RASA3: variants seen among roughly 807,000 people sequenced by gnomAD.
The protein encoded by RASA3 is RAS p21 protein activator 3.
Under a neutral mutation model 110.0 loss-of-function variants are expected in RASA3, and 73 were observed. That is an observed-to-expected ratio of 0.66 (90% CI 0.55 to 0.81). RASA3 has a LOEUF of 0.81. RASA3 is among the 30% of genes least tolerant of loss of function. RASA3 has a pLI of 0.00. For synonymous variants in RASA3, 500 were observed against 451.4 expected (o/e 1.11, Z -1.37); for missense variants, 976 against 1,113.2 (o/e 0.88, Z 1.75).
chr13:113,984,760 C>CA, intron 22 of RASA3, among the ~76,000 whole-genome samples: 1 of 61,350 alleles, frequency 1.6e-5, no homozygotes. Flanking sequence ...ACCCATTACT[C>CA]ACCCATCCAT....
In RASA3 at chr13:114,065,764, G is replaced by C. The variant is rs9525368; in HGVS notation, c.173+7956C>G. On this transcript the variant is annotated intron_variant, in intron 2 of 23. Transcript: ENST00000334062. This position sits in a 1 kb window ranked among gnomAD's most constrained non-coding sequence, Gnocchi z 4.1. ...GCTGGAGGGCAGGGGTCCGTGGTCAGCTCACAGCCCACTCACCACCCAGCA... is the reference window on the plus strand; with the variant it reads ...GCTGGAGGGCAGGGGTCCGTGGTCACCTCACAGCCCACTCACCACCCAGCA... 6.6e-6 allele frequency among the ~76,000 whole-genome samples: 1 copy of C among 152,196 alleles called. No homozygotes were observed. Among genetic ancestry groups the C allele is most frequent in the Non-Finnish European group, 1.5e-5 (1 of 68,030 alleles).
chr13:114,018,205 C>T lies in RASA3; in HGVS notation c.990G>A (p.Glu330=), dbSNP rs1192927133. Residue 330 remains glutamate (E), a synonymous_variant, in exon 11 of 24, where the codon GAG becomes GAA. Coordinates refer to ENST00000334062, the MANE Select transcript of RASA3 (RefSeq NM_007368.4). ...AAHILGEVCR[E]KQEAAVPLVR... is the part of the protein sequence containing the mutation. ...CCAGCGGGACGGCCGCCTCCTGCTT[C>T]TCCCGGCAAACCTCGCCCAGGATGT... 4 of 1,553,484 alleles carry T rather than the reference C, an allele frequency of 2.6e-6. 1 individual carries two copies. In the South Asian group the frequency reaches 3.6e-5, roughly 14 times the overall value.
intron 9 of RASA3, among the ~76,000 whole-genome samples, chr13:114,020,490 T>C (rs2053903100): frequency 6.6e-6 from 1 of 152,104 alleles, no homozygotes; most frequent in South Asian, 2.1e-4. Flanking sequence ...GACACGCGTG[T>C]TTCACGGTTT....
At chr13:114,105,651 CT>C (rs891203504) in intron 1 of RASA3, among the ~76,000 whole-genome samples, 72 of 152,342 alleles carry the variant, frequency 4.7e-4, no homozygotes, top group Admixed American at 1.5e-3. Context: ...CAGCCTGAGG[CT>C]GGACGGGAGG....
At chr13:114,095,838 C>G (rs2079935031) in intron 1 of RASA3, among the ~76,000 whole-genome samples, 1 of 152,184 alleles carries the variant, frequency 6.6e-6, no homozygotes, top group Non-Finnish European at 1.5e-5. Context: ...CTCCACAATT[C>G]TGTGATTTGA....
At chr13:114,119,558 C>CCT (rs1365509919) in intron 1 of RASA3, among the ~76,000 whole-genome samples, 4 of 127,828 alleles carry the variant, frequency 3.1e-5, no homozygotes, top group South Asian at 6.2e-4. Context: ...CAGGGCCCCT[C>CCT]CCTCTCTCCA....
At chr13:114,117,692 GT>G in intron 1 of RASA3, among the ~76,000 whole-genome samples, 2 of 137,586 alleles carry the variant, frequency 1.5e-5, no homozygotes, top group Non-Finnish European at 3.1e-5. Context: ...AGGGGTGCAT[GT>G]GTGTGAGGGG....
Position 114,014,634 on chromosome 13 carries a change from C to T in RASA3, c.1405+575G>A, listed in dbSNP as rs1053268219. Among the ~76,000 whole-genome samples the T allele has an allele frequency of 6.6e-6, 1 of 152,070 alleles. No homozygotes were observed. Among genetic ancestry groups the T allele is most frequent in the Non-Finnish European group, 1.5e-5 (1 of 68,000 alleles). ...AGGCACCCAGCTCCTCCCTGAGGGTCGGCAAGGTTGAGAAGTGGGGTTTGG... is the reference window on the plus strand; with the variant it reads ...AGGCACCCAGCTCCTCCCTGAGGGTTGGCAAGGTTGAGAAGTGGGGTTTGG... On this transcript the variant is annotated intron_variant, in intron 14 of 23. Coordinates refer to ENST00000334062, the MANE Select transcript of RASA3 (RefSeq NM_007368.4). The surrounding 1 kb of genome is among the most constrained non-coding windows in gnomAD (Gnocchi z 4.5).
At position 114,112,090 on chromosome 13, in the gene RASA3, C is replaced by A. The variant is rs2080227000; in HGVS notation, c.55+20345G>T. On this transcript the variant is annotated intron_variant, in intron 1 of 23. Coordinates refer to ENST00000334062, the MANE Select transcript of RASA3 (RefSeq NM_007368.4). This position sits in a 1 kb window ranked among gnomAD's most constrained non-coding sequence, Gnocchi z 4.8. ...CCCTCCCTCTCCCTGGAAACAGCAGCCCCCAGGCACCCCCCCCAGCAACTG... is the reference window on the plus strand; with the variant it reads ...CCCTCCCTCTCCCTGGAAACAGCAGACCCCAGGCACCCCCCCCAGCAACTG... 1.1e-5 allele frequency among the ~76,000 whole-genome samples: 1 copy of A among 88,912 alleles called. No individual in the cohort carries two copies. The highest frequency in any genetic ancestry group is 2.2e-5 in the Non-Finnish European group (1 of 44,964). 58.3% of individuals were successfully genotyped at this position (88,912 alleles called of 152,430 possible).
intron 18 of RASA3, among the ~76,000 whole-genome samples, chr13:114,001,941 G>C (rs1233345909): frequency 6.6e-6 from 1 of 152,286 alleles, no homozygotes; most frequent in Non-Finnish European, 1.5e-5. Context: ...GGGAGCAGGA[G>C]ACAGGATGGC....
intron 1 of RASA3, among the ~76,000 whole-genome samples, chr13:114,123,748 C>T (rs2080409883): frequency 1.3e-5 from 2 of 152,206 alleles, no homozygotes; most frequent in South Asian, 4.1e-4. Context: ...CGGGGTGGGC[C>T]ATGCGGGGCT....
Position 114,112,548 on chromosome 13 carries a change from C to T in RASA3, c.55+19887G>A, listed in dbSNP as rs1010346829. 3.3e-5 allele frequency among the ~76,000 whole-genome samples: 5 copies of T among 152,176 alleles called. No homozygotes were observed. Among genetic ancestry groups the T allele is most frequent in the Non-Finnish European group, 7.3e-5 (5 of 68,030 alleles). ...CCAGCTCTGTAGGGGTGCGGCCTGC[C>T]TCGAGCACTTCACACGCGTGCCCGG... On this transcript the variant is annotated intron_variant, in intron 1 of 23. Transcript: ENST00000334062. This position sits in a 1 kb window ranked among gnomAD's most constrained non-coding sequence, Gnocchi z 4.8.
In RASA3 at chr13:114,013,131, C is replaced by G; in HGVS notation, c.1512+11G>C. The G allele has an allele frequency of 6.2e-7, 1 of 1,608,360 alleles. No homozygotes were observed. Among genetic ancestry groups the G allele is most frequent in the South Asian group, 1.1e-5 (1 of 89,998 alleles). On this transcript the variant is annotated intron_variant, in intron 15 of 23. Coordinates refer to ENST00000334062, the MANE Select transcript of RASA3 (RefSeq NM_007368.4). The stretch of plus-strand genomic sequence containing the variant: ...GCTCAGAAAGCCTCGGTCCCTCAGC[C>G]GGTCACTCACCGTGTGGTGCGGCGT...
At chr13:114,019,151 A>G (rs2053860829) in intron 9 of RASA3, among the ~76,000 whole-genome samples, 1 of 150,228 alleles carries the variant, frequency 6.7e-6, no homozygotes, top group South Asian at 2.2e-4. Context: ...CAAGGGGGGA[A>G]ACGCGGAGGG....
At position 114,020,148 on chromosome 13, in the gene RASA3, T is replaced by G. The variant is rs1158231091; in HGVS notation, c.786-1229A>C. On this transcript the variant is annotated intron_variant, in intron 9 of 23. Coordinates refer to ENST00000334062, the MANE Select transcript of RASA3 (RefSeq NM_007368.4). ...CCTGTGTCCGAGGCATTAGCAGCCC[T>G]GTCAGGTGGGTGGAGCCTGTGTCCG... Among the ~76,000 whole-genome samples, 18 of 29,624 alleles carry G rather than the reference T, an allele frequency of 6.1e-4. 3 individuals are homozygous for G. The highest frequency in any genetic ancestry group is 1.1e-3 in the Admixed American group (3 of 2,850). The allele number at this position is 29,624 out of a possible 152,430, so 19.4% of individuals were successfully genotyped here.
intron 1 of RASA3, among the ~76,000 whole-genome samples, chr13:114,087,855 C>T (rs1044407685): frequency 1.3e-4 from 20 of 152,384 alleles, no homozygotes; most frequent in Admixed American, 1.1e-3. Flanking sequence ...ATGAGCCGGG[C>T]GCGGTGGCTC....
intron 2 of RASA3, among the ~76,000 whole-genome samples, chr13:114,053,886 G>A (rs1490199437): frequency 6.6e-6 from 1 of 152,244 alleles, no homozygotes; most frequent in East Asian, 1.9e-4. Context: ...AACACTTTGG[G>A]AGGCTGAGAC....
intron 1 of RASA3, among the ~76,000 whole-genome samples, chr13:114,090,021 G>T (rs2079871487): frequency 6.6e-6 from 1 of 152,200 alleles, no homozygotes; most frequent in Non-Finnish European, 1.5e-5. Context: ...GTCACGGATG[G>T]AACGCATTCT....
At chr13:114,021,163 TTG>T (rs1013270648) in intron 9 of RASA3, among the ~76,000 whole-genome samples, 1 of 152,188 alleles carries the variant, frequency 6.6e-6, no homozygotes, top group African/African-American at 2.4e-5. Context: ...GTGCCAGCCA[TTG>T]TGAGTCCCTG....
Sources: gnomAD v4.1 joint callset for allele counts (sites outside exome capture counted in the v4.1 genomes callset) on GRCh38, gnomAD v4.1.1 for gene constraint, Gnocchi (gnomAD v3.1) non-coding constraint, MANE v1.5 for transcripts, NCBI Gene and HGNC (gene_info 2026-07-23, HGNC 2026-07-21) for gene names.